The following PREX1 variants were observed in gnomAD, a reference collection of about 807,000 sequenced individuals.
PREX1 encodes phosphatidylinositol-3,4,5-trisphosphate dependent Rac exchange factor 1, also known as phosphatidylinositol 3,4,5-trisphosphate-dependent Rac exchanger 1 protein.
Under a neutral mutation model 198.3 loss-of-function variants are expected in PREX1, and 41 were observed. The observed-to-expected ratio is 0.21, with a 90% CI of 0.16 to 0.27. PREX1 has a LOEUF of 0.27. Ranked by LOEUF, PREX1 falls within the 10% of genes least tolerant of loss-of-function variation. PREX1 has a pLI of 1.00. For missense variants in PREX1, 1,620 were observed against 2,200.7 expected (o/e 0.74, Z 5.28); for synonymous variants, 843 against 887.2 (o/e 0.95, Z 0.89).
At position 48,768,402 on chromosome 20, in the gene PREX1, G is replaced by A. The variant is rs371845966; in HGVS notation, c.220-20522C>T. On this transcript the variant is annotated intron_variant, in intron 1 of 39. Transcript: ENST00000371941. The stretch of plus-strand genomic sequence containing the variant: ...CGCATCTCAAAAACATGGCCCAAGC[G>A]AAAGAAGCCAGACACAAAAGGGTGC... 3.3e-5 allele frequency among the ~76,000 whole-genome samples: 5 copies of A among 152,248 alleles called. 1 individual carries two copies. The highest frequency in any genetic ancestry group is 1.9e-4 in the East Asian group (1 of 5,174).
chr20:48,789,092 A>C (rs2090325935), intron 1 of PREX1, among the ~76,000 whole-genome samples: 1 of 152,190 alleles, frequency 6.6e-6, no homozygotes, highest in African/African-American at 2.4e-5. Flanking sequence ...ACACTCACTC[A>C]CACATTGAGC....
chr20:48,688,557 C>CCA (rs1601077610), intron 10 of PREX1, 100 bp downstream of exon 10: 9 of 1,470,514 alleles, frequency 6.1e-6, no homozygotes, highest in South Asian at 1.2e-5. Flanking sequence ...CCCAGGATGG[C>CCA]TCCTGGGCAG....
chr20:48,726,998 G>C (rs1410218907), intron 4 of PREX1, among the ~76,000 whole-genome samples: 1 of 152,200 alleles, frequency 6.6e-6, no homozygotes, highest in Non-Finnish European at 1.5e-5. Context: ...AAAGAAAGAA[G>C]GATATGTACA....
chr20:48,695,827 T>A (rs2089842381), intron 7 of PREX1, among the ~76,000 whole-genome samples: 1 of 152,244 alleles, frequency 6.6e-6, no homozygotes. Flanking sequence ...ACATTTTCAG[T>A]TTTGTAGGCC....
chr20:48,761,203 C>T (rs1414580254), intron 1 of PREX1, among the ~76,000 whole-genome samples: 3 of 152,224 alleles, frequency 2.0e-5, no homozygotes, highest in Non-Finnish European at 4.4e-5. Context: ...CCCCGAGGCA[C>T]ATTCAGTCTT....
At chr20:48,872,588 T>C in the PREX1 span, among the ~76,000 whole-genome samples, 2 of 151,810 alleles carry the variant, frequency 1.3e-5, no homozygotes, top group Non-Finnish European at 2.9e-5. Context: ...TACTAAAAAA[T>C]ATAAAAAATT....
chr20:48,869,075 A>T, the PREX1 span, among the ~76,000 whole-genome samples: 8 of 151,938 alleles, frequency 5.3e-5, no homozygotes, highest in South Asian at 1.3e-3. Flanking sequence ...GGGTCTCACT[A>T]TGTCACTCAG....
intron 7 of PREX1, among the ~76,000 whole-genome samples, chr20:48,698,750 C>T (rs2089859947): frequency 6.6e-6 from 1 of 152,194 alleles, no homozygotes; most frequent in Non-Finnish European, 1.5e-5. Flanking sequence ...TCCTGTGCAC[C>T]AGGTGCTGTA....
At chr20:48,814,969 A>T (rs1234630297) in intron 1 of PREX1, among the ~76,000 whole-genome samples, 1 of 152,228 alleles carries the variant, frequency 6.6e-6, no homozygotes, top group African/African-American at 2.4e-5. Context: ...AACAGTAAGC[A>T]GAAGAAAGGC....
At chr20:48,746,817 A>G (rs1261594245) in intron 2 of PREX1, among the ~76,000 whole-genome samples, 3 of 152,182 alleles carry the variant, frequency 2.0e-5, no homozygotes, top group Non-Finnish European at 4.4e-5. Flanking sequence ...TATAATAAAT[A>G]ATTTGTAAAC....
At position 48,651,405 on chromosome 20, in the gene PREX1, G is replaced by A. The variant is rs1348190995; in HGVS notation, c.2646C>T (p.Leu882=). The change falls in exon 22 of 40, where the codon CTC becomes CTT. Residue 882 remains leucine, a synonymous_variant. Transcript: ENST00000371941. ...KIVEPRGCFG[L]TAKILEAFAA... ...CAGTGCCCAAGGAGACCTTGGCGGT[G>A]AGGCCGAAGCAGCCGCGGGGCTCCA... 6.2e-7 allele frequency: 1 copy of A among 1,603,616 alleles called. No individual in the cohort carries two copies. Among genetic ancestry groups the A allele is most frequent in the East Asian group, 2.2e-5 (1 of 44,684 alleles).
At chr20:48,784,725 C>G (rs138848970) in intron 1 of PREX1, among the ~76,000 whole-genome samples, 124 of 152,280 alleles carry the variant, frequency 8.1e-4, no homozygotes, top group Non-Finnish European at 1.5e-3. Flanking sequence ...GGGCATGAAA[C>G]CTTGGGAATT....
chr20:48,809,462 A>T (rs1272891405), intron 1 of PREX1, among the ~76,000 whole-genome samples: 2 of 152,198 alleles, frequency 1.3e-5, no homozygotes, highest in African/African-American at 4.8e-5. Flanking sequence ...TCCCTCACCC[A>T]GGAGGCAGCT....
At chr20:48,722,850 G>A (rs564380408) in intron 5 of PREX1, among the ~76,000 whole-genome samples, 26 of 152,348 alleles carry the variant, frequency 1.7e-4, no homozygotes, top group African/African-American at 5.0e-4. Context: ...GGCAGGGCCC[G>A]GGTCTGTCTT....
intron 1 of PREX1, among the ~76,000 whole-genome samples, chr20:48,777,978 G>T (rs1479522522): frequency 1.3e-5 from 2 of 152,166 alleles, no homozygotes; most frequent in Admixed American, 1.3e-4. Context: ...GAAAGTGACT[G>T]AGTGAAGCTG....
chr20:48,767,562 G>A (rs537457316), intron 1 of PREX1, among the ~76,000 whole-genome samples: 26 of 152,184 alleles, frequency 1.7e-4, no homozygotes, highest in Admixed American at 1.5e-3. Flanking sequence ...CTTCAGAGTC[G>A]CACCAGAGTG....
chr20:48,850,405 C>T, the PREX1 span, among the ~76,000 whole-genome samples: 99 of 152,128 alleles, frequency 6.5e-4, 2 homozygotes, highest in South Asian at 0.015. Flanking sequence ...CGATGTGGAC[C>T]CAGATTAGGC....
At chr20:48,708,443 G>A (rs1886409844) in intron 5 of PREX1, 22 bp from the exon 6 acceptor site, 2 of 1,612,524 alleles carry the variant, frequency 1.2e-6, no homozygotes, top group Non-Finnish European at 1.7e-6. Flanking sequence ...TAGAGGTGGG[G>A]AGAAGAAAGC....
chr20:48,873,540 C>G, the PREX1 span, among the ~76,000 whole-genome samples: 2 of 131,232 alleles, frequency 1.5e-5, no homozygotes, highest in African/African-American at 3.0e-5. Context: ...GAAACCCAGT[C>G]TCTAGTAAAA....
Sources: allele counts gnomAD v4.1 joint callset (sites outside exome capture counted in the v4.1 genomes callset), GRCh38; gene constraint gnomAD v4.1.1; transcripts MANE v1.5; gene names NCBI Gene and HGNC (gene_info 2026-07-23, HGNC 2026-07-21).